The following CCDC85A variants were observed in gnomAD, a reference collection of about 807,000 sequenced individuals.
CCDC85A encodes the protein coiled-coil domain containing 85A.
In CCDC85A, 38 loss-of-function variants were observed where a neutral mutation model predicts 50.2. The observed-to-expected ratio is 0.76, with a 90% CI of 0.58 to 0.99. CCDC85A has a LOEUF of 0.99. Ranked by LOEUF, CCDC85A falls within the 50% of genes least tolerant of loss-of-function variation. The pLI, the probability that CCDC85A is intolerant of heterozygous loss-of-function variation, is 0.00. For missense variants in CCDC85A, 820 were observed against 742.0 expected, an observed-to-expected ratio of 1.11 and a Z score of -1.22; for synonymous variants, 366 against 301.4, an observed-to-expected ratio of 1.21 and a Z score of -2.22.
chr2:56,232,690 G>C (rs1399917454), intron 2 of CCDC85A, among the ~76,000 whole-genome samples: 1 of 152,042 alleles, frequency 6.6e-6, no homozygotes, highest in Non-Finnish European at 1.5e-5. Flanking sequence ...CCCAGTCTCT[G>C]GTATTTTTTC....
chr2:56,272,991 A>C (rs780487245), intron 2 of CCDC85A, among the ~76,000 whole-genome samples: 7 of 152,216 alleles, frequency 4.6e-5, no homozygotes, highest in Non-Finnish European at 8.8e-5. Context: ...AGATAACCAT[A>C]CTGAATGACT....
At chr2:56,223,238 T>C (rs1668403737) in intron 2 of CCDC85A, among the ~76,000 whole-genome samples, 1 of 152,168 alleles carries the variant, frequency 6.6e-6, no homozygotes, top group African/African-American at 2.4e-5. Flanking sequence ...CATATTTTTC[T>C]AGAGAGAGGG....
Sources: allele counts gnomAD v4.1 joint callset (sites outside exome capture counted in the v4.1 genomes callset), GRCh38; gene constraint gnomAD v4.1.1; transcripts MANE v1.5; gene names NCBI Gene and HGNC (gene_info 2026-07-23, HGNC 2026-07-21).